PDE1C: variants seen among roughly 807,000 people sequenced by gnomAD.
The protein encoded by PDE1C is dual specificity calcium/calmodulin-dependent 3',5'-cyclic nucleotide phosphodiesterase 1C.
PDE1C carries 62 observed loss-of-function variants against 93.1 expected under a neutral mutation model. That is an observed-to-expected ratio of 0.67 (90% CI 0.54 to 0.82). The LOEUF (loss-of-function observed/expected upper bound fraction) is 0.82, where lower values mean the gene tolerates loss of function less well. PDE1C is among the 40% of genes least tolerant of loss of function. PDE1C has a pLI of 0.00. For missense variants in PDE1C, 742 were observed against 884.6 expected (o/e 0.84, Z 2.04); for synonymous variants, 325 against 310.1 (o/e 1.05, Z -0.50).
intron 2 of PDE1C, among the ~76,000 whole-genome samples, chr7:32,012,316 G>T (rs1787246984): frequency 6.6e-6 from 1 of 152,134 alleles, no homozygotes; most frequent in Admixed American, 6.5e-5. Flanking sequence ...GCCAGAGTCA[G>T]GGGTGGAGAT....
chr7:31,867,658 T>C (rs1383105778), intron 6 of PDE1C, among the ~76,000 whole-genome samples: 1 of 152,178 alleles, frequency 6.6e-6, no homozygotes. Flanking sequence ...TTCAGGGGAC[T>C]GAGAAGCCCC....
intron 1 of PDE1C, among the ~76,000 whole-genome samples, chr7:32,422,481 C>A (rs57105359): frequency 0.02 from 2,718 of 139,348 alleles, 68 homozygotes; most frequent in African/African-American, 0.063. Flanking sequence ...ACCCTTTCCC[C>A]CCCACCTGGC....
At chr7:32,336,952 T>A (rs554691541) in intron 1 of PDE1C, among the ~76,000 whole-genome samples, 1 of 152,150 alleles carries the variant, frequency 6.6e-6, no homozygotes, top group South Asian at 2.1e-4. Context: ...CATTGAAGCA[T>A]ACTTTCTACA....
chr7:32,147,695 C>T (rs1389848205), intron 3 of PDE1C, among the ~76,000 whole-genome samples: 1 of 152,040 alleles, frequency 6.6e-6, no homozygotes, highest in Non-Finnish European at 1.5e-5. Flanking sequence ...TTGGAATCTT[C>T]CTCCCACCCC....
intron 3 of PDE1C, among the ~76,000 whole-genome samples, chr7:32,115,869 T>A (rs1269134454): frequency 1.3e-5 from 2 of 152,172 alleles, no homozygotes; most frequent in Non-Finnish European, 2.9e-5. Context: ...GAGGCAAGAA[T>A]TCTACCCCCA....
At chr7:32,426,379 T>G (rs1308569763) in intron 1 of PDE1C, among the ~76,000 whole-genome samples, 1 of 151,686 alleles carries the variant, frequency 6.6e-6, no homozygotes, top group Non-Finnish European at 1.5e-5. Context: ...GATTAAGCTA[T>G]CCTACTGCCT....
chr7:32,335,988 C>T (rs982958037), intron 1 of PDE1C, among the ~76,000 whole-genome samples: 3 of 152,078 alleles, frequency 2.0e-5, no homozygotes, highest in African/African-American at 7.2e-5. Flanking sequence ...CCACACCTGG[C>T]CTTAATTACC....
intron 2 of PDE1C, among the ~76,000 whole-genome samples, chr7:32,017,708 C>T (rs1289298890): frequency 6.6e-6 from 1 of 152,066 alleles, no homozygotes; most frequent in Non-Finnish European, 1.5e-5. Context: ...GACATTCCTT[C>T]AAGGAAAATA....
the PDE1C span, among the ~76,000 whole-genome samples, chr7:31,697,439 C>T: frequency 1.3e-5 from 2 of 152,162 alleles, no homozygotes; most frequent in Admixed American, 6.5e-5. Context: ...AAGGCTTCCA[C>T]GGATTTTGCG....
chr7:32,223,764 A>C (rs1028831979), intron 1 of PDE1C, among the ~76,000 whole-genome samples: 95 of 152,130 alleles, frequency 6.2e-4, no homozygotes, highest in Non-Finnish European at 2.1e-4. Context: ...AATATTAACC[A>C]ACCTATTGCC....
chr7:31,813,686 G>T (rs1232350788), intron 15 of PDE1C, among the ~76,000 whole-genome samples: 3 of 151,764 alleles, frequency 2.0e-5, no homozygotes, highest in African/African-American at 7.3e-5. Flanking sequence ...AGGTTTTTGG[G>T]GAAAAGATGG....
Position 32,032,817 on chromosome 7 carries a change from C to T in PDE1C, c.128+18737G>A, listed in dbSNP as rs531647032. ...AATCTCAGGCCCCATCCCAGCTCTGCGGGATCAGAATCCACGTTTTAAAAA... is the reference window on the plus strand; with the variant it reads ...AATCTCAGGCCCCATCCCAGCTCTGTGGGATCAGAATCCACGTTTTAAAAA... On this transcript the variant is annotated intron_variant, in intron 2 of 17. Transcript: ENST00000396191. Among the ~76,000 whole-genome samples, 59 of 152,188 alleles carry T rather than the reference C, an allele frequency of 3.9e-4. 1 individual carries two copies. The South Asian group carries it at 0.01, about 27-fold the overall frequency.
chr7:32,028,047 G>T (rs1398786880), intron 2 of PDE1C, among the ~76,000 whole-genome samples: 2 of 152,102 alleles, frequency 1.3e-5, no homozygotes, highest in Admixed American at 6.5e-5. Flanking sequence ...CCTCCTGATT[G>T]ACAGCTAGAG....
intron 1 of PDE1C, among the ~76,000 whole-genome samples, chr7:32,313,759 G>A (rs538643969): frequency 3.4e-5 from 5 of 146,154 alleles, no homozygotes; most frequent in Admixed American, 6.9e-5. Flanking sequence ...GTCATGAGGT[G>A]GGGGGGAGGG....
intron 2 of PDE1C, among the ~76,000 whole-genome samples, chr7:31,920,526 C>T (rs964356361): frequency 6.6e-5 from 10 of 152,026 alleles, no homozygotes; most frequent in African/African-American, 2.4e-4. Flanking sequence ...GGAGACTGAT[C>T]TCAGGGTATA....
intron 9 of PDE1C, among the ~76,000 whole-genome samples, chr7:31,846,468 C>T (rs1737341773): frequency 6.6e-6 from 1 of 151,918 alleles, no homozygotes; most frequent in Non-Finnish European, 1.5e-5. Flanking sequence ...ATACCTTATA[C>T]AAAAATTAAC....
At chr7:31,779,589 C>T (rs1311754789) in intron 16 of PDE1C, among the ~76,000 whole-genome samples, 1 of 152,008 alleles carries the variant, frequency 6.6e-6, no homozygotes, top group Non-Finnish European at 1.5e-5. Context: ...GGTGAGATGC[C>T]CAATATATCA....
chr7:32,339,570 G>A (rs1398788691), intron 1 of PDE1C, among the ~76,000 whole-genome samples: 1 of 152,132 alleles, frequency 6.6e-6, no homozygotes, highest in Non-Finnish European at 1.5e-5. Flanking sequence ...AGCCCATATT[G>A]CTGAGAGGTT....
At position 31,993,938 on chromosome 7, in the gene PDE1C, A is replaced by G. The variant is rs992106942; in HGVS notation, c.128+57616T>C. Among the ~76,000 whole-genome samples the G allele has an allele frequency of 2.6e-5, 4 of 152,196 alleles. No homozygotes were observed. In the East Asian group the frequency reaches 7.7e-4, roughly 29 times the overall value. On this transcript the variant is annotated intron_variant, in intron 2 of 17. Transcript: ENST00000396191. ...GCAGTATGTGCTTTAAAAAGCAAAC[A>G]ACCCATATGTCTTCCCAATTTCCCT...
Sources: gnomAD v4.1 joint callset for allele counts (sites outside exome capture counted in the v4.1 genomes callset) on GRCh38, gnomAD v4.1.1 for gene constraint, MANE v1.5 for transcripts, NCBI Gene and HGNC (gene_info 2026-07-23, HGNC 2026-07-21) for gene names.